Variants in SRCAP observed in about 807,000 individuals in gnomAD.
The protein encoded by SRCAP is Snf2 related CREBBP activator protein.
In SRCAP, 46 loss-of-function variants were observed where a neutral mutation model predicts 263.1. The observed-to-expected ratio is 0.17, with a 90% CI of 0.14 to 0.22. SRCAP has a LOEUF of 0.22. SRCAP is among the 10% of genes least tolerant of loss of function. SRCAP has a pLI of 1.00. For missense variants in SRCAP, 3,695 were observed against 4,181.9 expected (o/e 0.88, Z 3.21); for synonymous variants, 1,813 against 1,662.1 (o/e 1.09, Z -2.21).
rs760986822 is a variant in SRCAP at position 30,738,576 on chromosome 16, G to A, written c.8536G>A (p.Gly2846Arg). 16 of 1,608,020 alleles carry A rather than the reference G, an allele frequency of 1.0e-5. No individual in the cohort carries two copies. In the African/African-American group the frequency reaches 1.2e-4, roughly 12 times the overall value. The part of the protein sequence containing the change: ...TGGGSPENGD[G>R]ALLAITPPAV... ...TGGTGGCAGCCCCGAGAATGGAGAC[G>A]GAGCACTGCTCGCCATCACCCCACC... The change falls in exon 34 of 34, where the codon GGA becomes AGA. Residue 2846 changes from glycine (G) to arginine (R), a missense_variant. Gly to Arg is a moderately radical substitution (Grantham distance 125). Coordinates refer to ENST00000262518, the MANE Select transcript of SRCAP (RefSeq NM_006662.3).
At position 30,711,910 on chromosome 16, in the gene SRCAP, C is replaced by T; in HGVS notation, c.1568C>T (p.Ser523Leu). ...EEEETSGSSA[S>L]EESESEESED... ...GAAGAAACAAGTGGAAGTTCAGCATCAGAGGAATCTGAGTCTGAAGAGTCT... is the reference window on the plus strand; with the variant it reads ...GAAGAAACAAGTGGAAGTTCAGCATTAGAGGAATCTGAGTCTGAAGAGTCT... Residue 523 changes from serine (S) to leucine (L), a missense_variant, in exon 12 of 34, where the codon TCA becomes TTA. Transcript: ENST00000262518. 1.2e-6 allele frequency: 2 copies of T among 1,613,854 alleles called. No individual in the cohort carries two copies. Among genetic ancestry groups the T allele is most frequent in the Non-Finnish European group, 1.7e-6 (2 of 1,179,996 alleles).
At chr16:30,709,367 C>G (rs1353556007) in intron 6 of SRCAP, 146 bp from the exon 7 acceptor site, 3 of 763,828 alleles carry the variant, frequency 3.9e-6, no homozygotes, top group African/African-American at 3.5e-5. Flanking sequence ...TCCTTTAGAC[C>G]ATAGTGAGCC....
chr16:30,710,947 C>A, intron 9 of SRCAP, 52 bp from the exon 10 acceptor site: 1 of 1,596,770 alleles, frequency 6.3e-7, no homozygotes, highest in African/African-American at 1.3e-5. Flanking sequence ...TGGACTGTGT[C>A]CTGTGCCTCT....
intron 25 of SRCAP, among the ~76,000 whole-genome samples, chr16:30,728,389 A>G (rs939566024): frequency 1.3e-5 from 2 of 152,238 alleles, no homozygotes; most frequent in African/African-American, 4.8e-5. Flanking sequence ...TGGAAGCACA[A>G]AGATGGGAAA....
At chr16:30,710,604 C>G in intron 8 of SRCAP, 150 bp from the exon 9 acceptor site, 1 of 886,298 alleles carries the variant, frequency 1.1e-6, no homozygotes, top group East Asian at 2.4e-5. Context: ...TGAGAGAAAA[C>G]CCTTGATTGT....
Position 30,712,267 on chromosome 16 carries a change from G to A in SRCAP, c.1821G>A (p.Lys607=). 3 of 1,595,022 alleles carry A rather than the reference G, an allele frequency of 1.9e-6. No individual in the cohort carries two copies. The highest frequency in any genetic ancestry group is 2.6e-6 in the Non-Finnish European group (3 of 1,170,398). ...KGYTLATTQV[K]TPIPLLLRGQ... ...CTATATTTCCTCTCTGACAGGTAAAGACGCCCATTCCCCTGCTTCTGCGGG... is the reference window on the plus strand; with the variant it reads ...CTATATTTCCTCTCTGACAGGTAAAAACGCCCATTCCCCTGCTTCTGCGGG... Residue 607 remains lysine, a synonymous_variant, in exon 13 of 34, where the codon AAG becomes AAA. Transcript: ENST00000262518.
chr16:30,714,801 C>T (rs1470447084), intron 16 of SRCAP, among the ~76,000 whole-genome samples: 2 of 152,142 alleles, frequency 1.3e-5, no homozygotes, highest in African/African-American at 4.8e-5. Flanking sequence ...GCCACCGTTC[C>T]CAGCCTGTTT....
intron 6 of SRCAP, among the ~76,000 whole-genome samples, chr16:30,709,259 A>G (rs1241826270): frequency 1.3e-5 from 2 of 151,132 alleles, no homozygotes; most frequent in East Asian, 1.9e-4. Context: ...GTGAGATCTC[A>G]TCTCTTTAAA....
rs756994693 is a variant in SRCAP at position 30,733,437 on chromosome 16, T to A, written c.6285T>A (p.Val2095=). Residue 2095 remains valine, a synonymous_variant, in exon 28 of 34, where the codon GTT becomes GTA. Coordinates refer to ENST00000262518, the MANE Select transcript of SRCAP (RefSeq NM_006662.3). This position sits in a 1 kb window ranked among gnomAD's most constrained non-coding sequence, Gnocchi z 5.3. ...LYLRLDGSTR[V]EQRQALMERF... ...TGCGCCTGGATGGATCTACTAGAGTTGAACAGAGACAGGTAACCCAGGTTT... is the reference window on the plus strand; with the variant it reads ...TGCGCCTGGATGGATCTACTAGAGTAGAACAGAGACAGGTAACCCAGGTTT... 3 of 1,614,022 alleles carry A rather than the reference T, an allele frequency of 1.9e-6. No homozygotes were observed. Among genetic ancestry groups the A allele is most frequent in the Non-Finnish European group, 2.5e-6 (3 of 1,180,024 alleles).
chr16:30,714,822 T>A (rs2151289804), intron 16 of SRCAP, among the ~76,000 whole-genome samples: 1 of 152,276 alleles, frequency 6.6e-6, no homozygotes, highest in African/African-American at 2.4e-5. Flanking sequence ...GTTTTTTGTT[T>A]TTTTTTAAAT....
At chr16:30,715,995 T>G (rs2052945238) in intron 16 of SRCAP, 71 bp from the exon 17 acceptor site, 2 of 1,599,664 alleles carry the variant, frequency 1.3e-6, no homozygotes, top group Non-Finnish European at 1.7e-6. Context: ...CATTAGTGTT[T>G]GCTGAGGGGC....
rs1201240442 is a variant in SRCAP at position 30,737,727 on chromosome 16, T to A, written c.7687T>A (p.Ser2563Thr). The change falls in exon 34 of 34, where the codon TCC (serine) becomes ACC (threonine). Residue 2563 changes from serine to threonine, a missense_variant. Physicochemically the swap from Ser to Thr is moderately conservative, Grantham distance 58. Around this residue, in one of 12 missense-constraint regions of SRCAP, gnomAD observed 1,207 missense variants for 1,142.9 expected, o/e 1.06. Transcript: ENST00000262518. ...TGCCCAGGCATTGGCATCTCCAGAGTCCCTGGAGCTGGCTTCTGTGGCCAG... is the reference window on the plus strand; with the variant it reads ...TGCCCAGGCATTGGCATCTCCAGAGACCCTGGAGCTGGCTTCTGTGGCCAG... Reference protein sequence around the residue: ...LCAQALASPESLELASVASSE... With the variant: ...LCAQALASPETLELASVASSE... 9 of 1,614,012 alleles carry A rather than the reference T, an allele frequency of 5.6e-6. No homozygotes were observed. The Admixed American group carries it at 6.7e-5, about 12-fold the overall frequency.
chr16:30,704,304 C>G lies in SRCAP; in HGVS notation c.295C>G (p.Gln99Glu), dbSNP rs746908083. 4.4e-6 allele frequency: 7 copies of G among 1,607,666 alleles called. No homozygotes were observed. Residue 99 changes from glutamine to glutamate, a missense_variant, in exon 4 of 34, where the codon CAG becomes GAG. Gln to Glu is a conservative substitution (Grantham distance 29). Around this residue, in one of 12 missense-constraint regions of SRCAP, gnomAD observed 107 missense variants for 223.8 expected, o/e 0.48. Coordinates refer to ENST00000262518, the MANE Select transcript of SRCAP (RefSeq NM_006662.3). The stretch of plus-strand genomic sequence containing the variant: ...GAAGAGCCATGCCGAAATTGCAGAA[C>G]AGGCCAAGCATGTACGTATTAGAAA... ...WEKSHAEIAE[Q>E]AKHEAEIETR...
chr16:30,729,306 G>A, intron 26 of SRCAP, 64 bp from the exon 27 acceptor site: 1 of 1,605,606 alleles, frequency 6.2e-7, no homozygotes, highest in Non-Finnish European at 8.5e-7. Context: ...GGCTGGTGAA[G>A]GTGTTAACTT....
chr16:30,711,526 C>T (rs1171604702), intron 10 of SRCAP, 45 bp from the exon 11 acceptor site: 8 of 1,536,482 alleles, frequency 5.2e-6, no homozygotes, highest in Non-Finnish European at 6.1e-6. Context: ...ACCTCCCCTT[C>T]TCCCTCCCCT....
At position 30,734,625 on chromosome 16, in the gene SRCAP, G is replaced by C; in HGVS notation, c.6729+10G>C. The C allele has an allele frequency of 1.9e-6, 3 of 1,614,036 alleles. No individual in the cohort carries two copies. The highest frequency in any genetic ancestry group is 1.6e-4 in the Middle Eastern group (1 of 6,062). ...TCATATTCTGGAGCAGGTAAAAAAA[G>C]AGTGGGCAGTTCGTAAAGTTGAGCT... On this transcript the variant is annotated intron_variant, in intron 31 of 33. Coordinates refer to ENST00000262518, the MANE Select transcript of SRCAP (RefSeq NM_006662.3).
At chr16:30,721,837 G>A (rs2053014794) in intron 21 of SRCAP, among the ~76,000 whole-genome samples, 1 of 152,196 alleles carries the variant, frequency 6.6e-6, no homozygotes, top group Non-Finnish European at 1.5e-5. Flanking sequence ...AAAGTATTGG[G>A]GTAAAAGGAC....
rs777190973 is a variant in SRCAP at position 30,735,915 on chromosome 16, C to CT, written c.6730-271dup. Among the ~76,000 whole-genome samples, 321 of 138,574 alleles carry CT rather than the reference C, an allele frequency of 2.3e-3. 3 individuals carry two copies. Among genetic ancestry groups the CT allele is most frequent in the African/African-American group, 4.1e-3 (157 of 37,996 alleles). 90.9% of individuals were successfully genotyped at this position (138,574 alleles called of 152,430 possible). On this transcript the variant is annotated intron_variant, in intron 31 of 33. Coordinates refer to ENST00000262518, the MANE Select transcript of SRCAP (RefSeq NM_006662.3). ...TTTTATTCACATCTTTCTGTGGTGG[C>CT]TTTTTTTTTTTTTTGAGAGCTGAGG...
Position 30,716,200 on chromosome 16 carries a change from C to G in SRCAP, c.2628C>G (p.Thr876=). ...RCLYDDFMAQ[T]TTKETLATGH... ...TCTATGATGACTTCATGGCACAGAC[C>G]ACGTAAGGGAGGAAGGAGGGTGGGC... is the stretch of plus-strand genomic sequence containing the variant. Residue 876 remains threonine, a splice_region_variant and synonymous_variant, in exon 17 of 34, where the codon ACC becomes ACG. Transcript: ENST00000262518. The G allele has an allele frequency of 4.3e-6, 7 of 1,614,070 alleles. No homozygotes were observed. Among genetic ancestry groups the G allele is most frequent in the Non-Finnish European group, 5.9e-6 (7 of 1,179,962 alleles).
Sources: allele counts gnomAD v4.1 joint callset (sites outside exome capture counted in the v4.1 genomes callset), GRCh38; gene constraint gnomAD v4.1.1; regional missense constraint gnomAD v4.1.1; non-coding constraint Gnocchi (gnomAD v3.1); transcripts MANE v1.5; gene names NCBI Gene and HGNC (gene_info 2026-07-23, HGNC 2026-07-21).